The following NKAIN3 variants were observed in gnomAD, a reference collection of about 807,000 sequenced individuals.
The protein encoded by NKAIN3 is sodium/potassium transporting ATPase interacting 3, also known as sodium/potassium-transporting ATPase subunit beta-1-interacting protein 3.
Under a neutral mutation model 30.2 loss-of-function variants are expected in NKAIN3, and 25 were observed. That is an observed-to-expected ratio of 0.83 (90% CI 0.60 to 1.16). NKAIN3 has a LOEUF of 1.16. Ranked by LOEUF, NKAIN3 falls within the 50% of genes most tolerant of loss-of-function variation. The pLI, the probability that NKAIN3 is intolerant of heterozygous loss-of-function variation, is 0.00. For synonymous variants in NKAIN3, 91 were observed against 89.6 expected (o/e 1.02, Z -0.09); for missense variants, 225 against 254.1 (o/e 0.89, Z 0.78).
chr8:62,515,360 G>T (rs191710061), intron 1 of NKAIN3, among the ~76,000 whole-genome samples: 1 of 152,156 alleles, frequency 6.6e-6, no homozygotes, highest in Non-Finnish European at 1.5e-5. Flanking sequence ...ATGCCTACTT[G>T]CAGTTCCATA....
intron 4 of NKAIN3, among the ~76,000 whole-genome samples, chr8:62,762,216 T>G (rs1192363336): frequency 2.0e-5 from 3 of 151,784 alleles, no homozygotes; most frequent in Non-Finnish European, 4.4e-5. Context: ...CCTGGGAGGC[T>G]GAGGCAGAAG....
chr8:62,936,287 A>G (rs978364123), intron 5 of NKAIN3, among the ~76,000 whole-genome samples: 1 of 152,028 alleles, frequency 6.6e-6, no homozygotes, highest in African/African-American at 2.4e-5. Flanking sequence ...TTCCTTTCCC[A>G]TCTTTCCTGT....
At chr8:62,513,014 T>C (rs1807862551) in intron 1 of NKAIN3, among the ~76,000 whole-genome samples, 1 of 152,086 alleles carries the variant, frequency 6.6e-6, no homozygotes, top group African/African-American at 2.4e-5. Flanking sequence ...CATTATTTGC[T>C]TCCCTACTGG....
chr8:62,634,914 AAGAC>A (rs1812079940), intron 3 of NKAIN3, among the ~76,000 whole-genome samples: 1 of 152,106 alleles, frequency 6.6e-6, no homozygotes, highest in South Asian at 2.1e-4. Flanking sequence ...GAGGAGAAAA[AAGAC>A]AGAAAGAAAA....
intron 5 of NKAIN3, among the ~76,000 whole-genome samples, chr8:62,951,375 C>T (rs901117684): frequency 1.3e-5 from 2 of 152,206 alleles, no homozygotes; most frequent in Non-Finnish European, 2.9e-5. Context: ...TTCAACAGAA[C>T]ACCAATTAAA....
At chr8:62,392,555 C>T (rs1817611852) in intron 1 of NKAIN3, among the ~76,000 whole-genome samples, 1 of 151,940 alleles carries the variant, frequency 6.6e-6, no homozygotes, top group Non-Finnish European at 1.5e-5. Flanking sequence ...CTGGCCACTT[C>T]ATTATGCAAA....
intron 1 of NKAIN3, among the ~76,000 whole-genome samples, chr8:62,431,042 G>A (rs555523110): frequency 9.1e-4 from 138 of 151,994 alleles, no homozygotes; most frequent in Non-Finnish European, 1.5e-3. Context: ...TTGTTAGAAA[G>A]AGAGGGAGAG....
chr8:62,345,502 T>TATATACACATATATAC (rs1563942782), intron 1 of NKAIN3, among the ~76,000 whole-genome samples: 1 of 20,688 alleles, frequency 4.8e-5, no homozygotes, highest in African/African-American at 1.8e-4. Context: ...CACACATATA[T>TATATACACATATATAC]ACACATATAT....
At chr8:62,475,125 C>T (rs759411391) in intron 1 of NKAIN3, among the ~76,000 whole-genome samples, 1 of 152,010 alleles carries the variant, frequency 6.6e-6, no homozygotes, top group East Asian at 1.9e-4. Flanking sequence ...AAACAAAGAA[C>T]AGAAGGGATA....
At chr8:62,554,862 A>T (rs1237138298) in intron 1 of NKAIN3, among the ~76,000 whole-genome samples, 1 of 152,090 alleles carries the variant, frequency 6.6e-6, no homozygotes, top group African/African-American at 2.4e-5. Context: ...CCTGATAACC[A>T]TCACTCACTC....
intron 1 of NKAIN3, among the ~76,000 whole-genome samples, chr8:62,447,189 C>A (rs914010658): frequency 2.6e-5 from 4 of 151,964 alleles, no homozygotes; most frequent in Non-Finnish European, 5.9e-5. Context: ...CTATCCCAGG[C>A]AAACCAGGTC....
chr8:62,497,050 T>TA (rs1228882818), intron 1 of NKAIN3, among the ~76,000 whole-genome samples: 20 of 152,102 alleles, frequency 1.3e-4, no homozygotes, highest in African/African-American at 4.6e-4. Context: ...TCTTTTTTTT[T>TA]AAAAAAGACA....
chr8:62,252,495 A>C (rs561107622), intron 1 of NKAIN3, among the ~76,000 whole-genome samples: 2 of 152,284 alleles, frequency 1.3e-5, no homozygotes, highest in African/African-American at 4.8e-5. Flanking sequence ...GCAAAATCTC[A>C]GTCATTTTCT....
At chr8:62,427,214 T>C (rs549258365) in intron 1 of NKAIN3, among the ~76,000 whole-genome samples, 32 of 152,056 alleles carry the variant, frequency 2.1e-4, no homozygotes, top group Non-Finnish European at 4.7e-4. Flanking sequence ...TATATCACAA[T>C]TTTTGGAAAC....
At chr8:62,766,178 A>C (rs1044234101) in intron 4 of NKAIN3, among the ~76,000 whole-genome samples, 30 of 152,234 alleles carry the variant, frequency 2.0e-4, no homozygotes, top group African/African-American at 7.0e-4. Context: ...AGAGGAAAAG[A>C]GAAAAAATTA....
intron 1 of NKAIN3, among the ~76,000 whole-genome samples, chr8:62,488,480 T>C (rs1806970332): frequency 6.6e-6 from 1 of 152,186 alleles, no homozygotes; most frequent in South Asian, 2.1e-4. Flanking sequence ...GCTAAAATCC[T>C]TTCTTTTTCA....
At chr8:62,565,460 T>C (rs1809720558) in intron 1 of NKAIN3, among the ~76,000 whole-genome samples, 1 of 152,030 alleles carries the variant, frequency 6.6e-6, no homozygotes, top group Admixed American at 6.6e-5. Context: ...CAACTAAAGT[T>C]TCTATTATTT....
chr8:62,582,264 A>G (rs1034274935), intron 2 of NKAIN3, among the ~76,000 whole-genome samples: 2 of 151,508 alleles, frequency 1.3e-5, no homozygotes, highest in Non-Finnish European at 2.9e-5. Context: ...TTGAGCTTCT[A>G]CCCTGTGTTT....
chr8:62,843,116 A>G (rs1819578606), intron 4 of NKAIN3, among the ~76,000 whole-genome samples: 1 of 151,896 alleles, frequency 6.6e-6, no homozygotes, highest in African/African-American at 2.4e-5. Flanking sequence ...AGTGGAAGAG[A>G]GAGGCAGTAG....
Sources: gnomAD v4.1 joint callset for allele counts (sites outside exome capture counted in the v4.1 genomes callset) on GRCh38, gnomAD v4.1.1 for gene constraint, MANE v1.5 for transcripts, NCBI Gene and HGNC (gene_info 2026-07-23, HGNC 2026-07-21) for gene names.